Variants in FBXO43 observed in about 807,000 individuals in gnomAD.
The protein encoded by FBXO43 is F-box protein 43.
Under a neutral mutation model 56.7 loss-of-function variants are expected in FBXO43, and 22 were observed. The observed-to-expected ratio is 0.39, with a 90% CI of 0.28 to 0.55. The LOEUF is 0.55. FBXO43 is among the 20% of genes least tolerant of loss of function. The probability of loss-of-function intolerance (pLI) is 0.66; values close to 1 mark genes in which losing one functional copy is unlikely to be tolerated. For missense variants in FBXO43, 733 were observed against 814.9 expected, an observed-to-expected ratio of 0.90 and a Z score of 1.22; for synonymous variants, 306 against 294.5, an observed-to-expected ratio of 1.04 and a Z score of -0.40.
At chr8:100,140,023 T>C (rs1373683855) in intron 2 of FBXO43, among the ~76,000 whole-genome samples, 1 of 152,242 alleles carries the variant, frequency 6.6e-6, no homozygotes, top group Non-Finnish European at 1.5e-5. Flanking sequence ...CAATATGATC[T>C]GAACTATTAA....
chr8:100,138,441 T>C (rs937969926), intron 2 of FBXO43, among the ~76,000 whole-genome samples: 5 of 152,186 alleles, frequency 3.3e-5, no homozygotes, highest in Non-Finnish European at 7.3e-5. Context: ...TCTAGGCTGA[T>C]ATATGTGCCC....
chr8:100,136,904 C>G (rs542592681), intron 3 of FBXO43: 1 of 152,354 alleles, frequency 6.6e-6, no homozygotes, highest in Admixed American at 6.5e-5. Context: ...AGCACTGGCA[C>G]AGTTAACTAA....
chr8:100,142,162 T>G lies in FBXO43; in HGVS notation c.92A>C (p.Glu31Ala). The G allele has an allele frequency of 1.3e-6, 2 of 1,549,624 alleles. No homozygotes were observed. Among genetic ancestry groups the G allele is most frequent in the Non-Finnish European group, 1.7e-6 (2 of 1,152,084 alleles). ...SKSSRFTDET[E>A]ILKMSQRHSG... Reference sequence around the variant, plus strand: ...GTGCCTTTGCGACATCTTCAAAATCTCTGTTTCTGCAAAGTGACAACAAAG... The same window carrying G: ...GTGCCTTTGCGACATCTTCAAAATCGCTGTTTCTGCAAAGTGACAACAAAG... Residue 31 changes from glutamate to alanine, a missense_variant, in exon 2 of 5, where the codon GAG becomes GCG. Transcript: ENST00000428847.
intron 2 of FBXO43, among the ~76,000 whole-genome samples, chr8:100,140,425 A>G (rs1192551803): frequency 3.3e-5 from 5 of 152,188 alleles, no homozygotes; most frequent in Non-Finnish European, 7.4e-5. Flanking sequence ...AGCCGAGATC[A>G]CGCCACTGCA....
rs754999521 is a variant in FBXO43 at position 100,140,954 on chromosome 8, A to G, written c.1300T>C (p.Leu434=). The G allele has an allele frequency of 6.2e-7, 1 of 1,614,222 alleles. No individual in the cohort carries two copies. Among genetic ancestry groups the G allele is most frequent in the Admixed American group, 1.7e-5 (1 of 60,034 alleles). The change falls in exon 2 of 5, where the codon TTA becomes CTA. Residue 434 remains leucine, a synonymous_variant. Coordinates refer to ENST00000428847, the MANE Select transcript of FBXO43 (RefSeq NM_001029860.4). ...GCTGGGGTCTTTGATAAATTCTTTAAGCTAAAGGTCAAATCCCCACTCTCA... is the reference window on the plus strand; with the variant it reads ...GCTGGGGTCTTTGATAAATTCTTTAGGCTAAAGGTCAAATCCCCACTCTCA... ...SDESGDLTFS[L]KNLSKTPALQ...
intron 3 of FBXO43, among the ~76,000 whole-genome samples, chr8:100,135,260 G>GA (rs1359409483): frequency 6.6e-6 from 1 of 151,774 alleles, no homozygotes; most frequent in African/African-American, 2.4e-5. Flanking sequence ...CAGAGAGAGA[G>GA]GGGTTATGTA....
rs1402572800 is a variant in FBXO43, at chr8:100,134,309, G to A, written c.1730C>T (p.Ser577Leu). 6.2e-7 allele frequency: 1 copy of A among 1,613,984 alleles called. No individual in the cohort carries two copies. Among genetic ancestry groups the A allele is most frequent in the East Asian group, 2.2e-5 (1 of 44,874 alleles). ...CTGTGCCTGCACAGATCTTAAAGCT[G>A]AGCGATTTAAAAGCTGGAGCCGAGT... is the stretch of plus-strand genomic sequence containing the variant. Reference protein sequence around the residue: ...AATRLQLLNRSALRSVQAQAR... With the variant: ...AATRLQLLNRLALRSVQAQAR... Residue 577 changes from serine (S) to leucine (L), a missense_variant, in exon 4 of 5, where the codon TCA becomes TTA. Physicochemically the swap from Ser to Leu is moderately radical, Grantham distance 145. Coordinates refer to ENST00000428847, the MANE Select transcript of FBXO43 (RefSeq NM_001029860.4).
At position 100,141,304 on chromosome 8, in the gene FBXO43, A is replaced by G; in HGVS notation, c.950T>C (p.Ile317Thr). The G allele has an allele frequency of 6.2e-7, 1 of 1,614,118 alleles. No individual in the cohort carries two copies. The highest frequency in any genetic ancestry group is 8.5e-7 in the Non-Finnish European group (1 of 1,180,044). Residue 317 changes from isoleucine to threonine, a missense_variant, in exon 2 of 5, where the codon ATA becomes ACA. By Grantham distance (89) the Ile-to-Thr change is moderately conservative. Transcript: ENST00000428847. ...VANIRFNASQ[I>T]LSPSPEVRGS... ...TCTCACTTCAGGTGAAGGAGAAAGT[A>G]TTTGACTTGCGTTAAATCTAATGTT...
intron 2 of FBXO43, among the ~76,000 whole-genome samples, chr8:100,139,621 G>A (rs928897120): frequency 1.3e-5 from 2 of 152,096 alleles, no homozygotes; most frequent in African/African-American, 4.8e-5. Flanking sequence ...TGATAGTCCT[G>A]TAACTCCCCC....
In FBXO43 at chr8:100,133,997, C is replaced by G. The variant is rs774707574; in HGVS notation, c.1932G>C (p.Gln644His). The change falls in exon 5 of 5, where the codon CAG becomes CAC. Residue 644 changes from glutamine (Q) to histidine (H), a missense_variant. Gln to His is a conservative substitution (Grantham distance 24). Transcript: ENST00000428847. ...TATATGGCTGGTACTTAGCAGGGGA[C>G]TGGCACCTTGGGCAAGGTTTTAATG... ...DEALKPCPRCQSPAKYQPYKK... is the reference protein window; with the variant it reads ...DEALKPCPRCHSPAKYQPYKK... The G allele has an allele frequency of 1.2e-6, 2 of 1,614,182 alleles. No homozygotes were observed. Among genetic ancestry groups the G allele is most frequent in the East Asian group, 4.5e-5 (2 of 44,882 alleles).
At chr8:100,138,091 C>T (rs1814527491) in intron 2 of FBXO43, among the ~76,000 whole-genome samples, 2 of 152,144 alleles carry the variant, frequency 1.3e-5, no homozygotes, top group South Asian at 4.1e-4. Flanking sequence ...AACACAAGCA[C>T]AATTAATCCT....
chr8:100,137,306 C>A (rs1285815505), intron 3 of FBXO43: 3 of 263,644 alleles, frequency 1.1e-5, no homozygotes, highest in Admixed American at 5.8e-5. Context: ...GTGATCCGCC[C>A]GCCTCGGCCT....
In FBXO43 at chr8:100,141,354, C is replaced by T. The variant is rs1330254150; in HGVS notation, c.900G>A (p.Val300=). Residue 300 remains valine, a synonymous_variant, in exon 2 of 5, where the codon GTG becomes GTA. Transcript: ENST00000428847. ...TTGCCACAAGATTACTTATCGGAGT[C>T]ACAAATATGTCCTCATCTGTTCCAC... ...TTCGTDEDIF[V]TPISNLVANI... 12 of 1,613,524 alleles carry T rather than the reference C, an allele frequency of 7.4e-6. No individual in the cohort carries two copies. The highest frequency in any genetic ancestry group is 1.0e-5 in the Non-Finnish European group (12 of 1,180,020).
Sources: allele counts gnomAD v4.1 joint callset (sites outside exome capture counted in the v4.1 genomes callset), GRCh38; gene constraint gnomAD v4.1.1; transcripts MANE v1.5; gene names NCBI Gene and HGNC (gene_info 2026-07-23, HGNC 2026-07-21).